RABGAP1L: variants seen among roughly 807,000 people sequenced by gnomAD.
RABGAP1L encodes the protein rab GTPase-activating protein 1-like.
A neutral mutation model predicts 137.7 loss-of-function variants in RABGAP1L; 63 were observed. The ratio of observed to expected loss-of-function variants is 0.46; its 90% CI spans 0.37 to 0.56. The LOEUF is 0.56. Ranked by LOEUF, RABGAP1L falls within the 20% of genes least tolerant of loss-of-function variation. The pLI is 0.00. For missense variants in RABGAP1L, 1,095 were observed against 1,244.0 expected, an observed-to-expected ratio of 0.88 and a Z score of 1.80; for synonymous variants, 431 against 433.7, an observed-to-expected ratio of 0.99 and a Z score of 0.08.
intron 18 of RABGAP1L, among the ~76,000 whole-genome samples, chr1:174,804,489 A>T (rs1366913634): frequency 6.6e-6 from 1 of 151,900 alleles, no homozygotes; most frequent in Non-Finnish European, 1.5e-5. Flanking sequence ...ACAAAACTGG[A>T]AAGGCTGTTC....
chr1:174,579,307 A>G (rs1212981044), intron 13 of RABGAP1L, among the ~76,000 whole-genome samples: 2 of 152,190 alleles, frequency 1.3e-5, no homozygotes, highest in African/African-American at 4.8e-5. Flanking sequence ...TAGTAGGCTA[A>G]AATGATGGGT....
chr1:174,368,256 T>C (rs534339688), intron 11 of RABGAP1L, among the ~76,000 whole-genome samples: 33 of 152,226 alleles, frequency 2.2e-4, no homozygotes, highest in Non-Finnish European at 4.8e-4. Context: ...TAAAACATAT[T>C]GATGGATTGC....
At chr1:174,326,536 A>G (rs985249895) in intron 11 of RABGAP1L, among the ~76,000 whole-genome samples, 1 of 152,342 alleles carries the variant, frequency 6.6e-6, no homozygotes, top group African/African-American at 2.4e-5. Flanking sequence ...ATTAGAAGGT[A>G]TGAAGAAAAC....
intron 13 of RABGAP1L, among the ~76,000 whole-genome samples, chr1:174,636,799 G>C (rs566602274): frequency 6.6e-6 from 1 of 152,260 alleles, no homozygotes; most frequent in South Asian, 2.1e-4. Flanking sequence ...AATTGGAAAT[G>C]CATGTAACTT....
intron 3 of RABGAP1L, among the ~76,000 whole-genome samples, chr1:174,229,950 A>T (rs559256073): frequency 6.6e-6 from 1 of 152,228 alleles, no homozygotes; most frequent in Admixed American, 6.5e-5. Context: ...CTTTTTAATG[A>T]TCACCATTCT....
chr1:174,620,447 G>T (rs1214392287), intron 13 of RABGAP1L, among the ~76,000 whole-genome samples: 1 of 152,152 alleles, frequency 6.6e-6, no homozygotes, highest in Non-Finnish European at 1.5e-5. Flanking sequence ...TCAGACCACA[G>T]TGCAATCAAA....
chr1:174,887,679 G>A (rs186686231), intron 19 of RABGAP1L, among the ~76,000 whole-genome samples: 151 of 152,120 alleles, frequency 9.9e-4, no homozygotes, highest in African/African-American at 3.3e-3. Context: ...AGAAAAAAAT[G>A]TTTTTAAATG....
At chr1:174,632,105 T>C (rs1371978678) in intron 13 of RABGAP1L, among the ~76,000 whole-genome samples, 1 of 129,760 alleles carries the variant, frequency 7.7e-6, no homozygotes, top group Non-Finnish European at 1.6e-5. Context: ...ACAAAATCTG[T>C]CAGCATTTGC....
chr1:174,332,156 G>A (rs1681087808), intron 11 of RABGAP1L, among the ~76,000 whole-genome samples: 1 of 152,062 alleles, frequency 6.6e-6, no homozygotes, highest in Non-Finnish European at 1.5e-5. Flanking sequence ...TTCTCATTTG[G>A]TTATTTAAGT....
chr1:174,777,591 T>A (rs1686624093), intron 18 of RABGAP1L, among the ~76,000 whole-genome samples: 1 of 152,196 alleles, frequency 6.6e-6, no homozygotes, highest in South Asian at 2.1e-4. Flanking sequence ...GAAAAATCAA[T>A]CATTCGAAAT....
intron 19 of RABGAP1L, among the ~76,000 whole-genome samples, chr1:174,859,681 G>C (rs529400736): frequency 2.6e-5 from 4 of 151,944 alleles, no homozygotes; most frequent in Non-Finnish European, 4.4e-5. Context: ...ACACACCGGG[G>C]ACTACCAGAG....
intron 13 of RABGAP1L, among the ~76,000 whole-genome samples, chr1:174,407,474 T>G (rs1008738080): frequency 4.6e-5 from 7 of 152,152 alleles, no homozygotes; most frequent in Admixed American, 3.3e-4. Context: ...CAGATCTAAC[T>G]ATTAATAGCC....
At chr1:174,436,087 G>C (rs1653259844) in intron 13 of RABGAP1L, among the ~76,000 whole-genome samples, 1 of 152,094 alleles carries the variant, frequency 6.6e-6, no homozygotes, top group African/African-American at 2.4e-5. Flanking sequence ...CCAAGTCTTT[G>C]CTATTTTGAA....
At chr1:174,964,878 A>G in intron 20 of RABGAP1L, 1 of 1,458,704 alleles carries the variant, frequency 6.9e-7, no homozygotes, top group Non-Finnish European at 9.1e-7. Flanking sequence ...TGTTATTGCC[A>G]TTTCATAAAT....
chr1:174,358,289 T>C (rs10912767), intron 11 of RABGAP1L, among the ~76,000 whole-genome samples: 8,035 of 152,240 alleles, frequency 0.053, 680 homozygotes, highest in African/African-American at 0.18. Context: ...ATCAGGTCCA[T>C]TTATGCAAAT....
Position 174,928,305 on chromosome 1 carries a change from A to G in RABGAP1L, c.2341-29152A>G, listed in dbSNP as rs144690716. On this transcript the variant is annotated intron_variant, in intron 19 of 25. Coordinates refer to ENST00000681986, the MANE Select transcript of RABGAP1L (RefSeq NM_001366446.1). ...CCGTTGAATCTTTGTACATCCTCCT[A>G]TGCCATACAAACCTTAATCTTTTGA... Among the ~76,000 whole-genome samples, 778 of 152,046 alleles carry G rather than the reference A, an allele frequency of 5.1e-3. 6 individuals carry two copies. Among genetic ancestry groups the G allele is most frequent in the African/African-American group, 0.016 (670 of 41,470 alleles).
Position 174,546,984 on chromosome 1 carries a change from C to T in RABGAP1L, c.1711-90391C>T, listed in dbSNP as rs569062458. On this transcript the variant is annotated intron_variant, in intron 13 of 25. Transcript: ENST00000681986. ...GGCGGAGCTTGCAGTGAGCAGAGAT[C>T]GCGCCACTGCACTCCAGCCTGGGCG... Among the ~76,000 whole-genome samples the T allele has an allele frequency of 5.9e-3, 783 of 133,280 alleles. 18 individuals carry two copies. The highest frequency in any genetic ancestry group is 0.045 in the Admixed American group (540 of 12,004). 87.4% of individuals were successfully genotyped at this position (133,280 alleles called of 152,430 possible).
intron 19 of RABGAP1L, among the ~76,000 whole-genome samples, chr1:174,866,320 A>G (rs1651244677): frequency 6.6e-6 from 1 of 152,246 alleles, no homozygotes; most frequent in Admixed American, 6.5e-5. Flanking sequence ...GAATGAAATT[A>G]GAATGTTCTG....
rs760867267 is a variant in RABGAP1L, at chr1:174,394,159, C to CA, written c.1710+14_1710+15insA. On this transcript the variant is annotated intron_variant, in intron 13 of 25. Transcript: ENST00000681986. The stretch of plus-strand genomic sequence containing the variant: ...CTTATCACAAAGGTAGGAAGAAGTT[C>CA]TTTTCATATTATTTTCATTGGATGA... 46 of 1,607,286 alleles carry CA rather than the reference C, an allele frequency of 2.9e-5. No individual in the cohort carries two copies. The Middle Eastern group carries it at 5.0e-4, about 17-fold the overall frequency.
Sources: gnomAD v4.1 joint callset for allele counts (sites outside exome capture counted in the v4.1 genomes callset) on GRCh38, gnomAD v4.1.1 for gene constraint, MANE v1.5 for transcripts, NCBI Gene and HGNC (gene_info 2026-07-23, HGNC 2026-07-21) for gene names.